Variants in ESD observed in about 807,000 individuals in gnomAD.
The protein encoded by ESD is esterase D.
A neutral mutation model predicts 38.1 loss-of-function variants in ESD; 34 were observed. The ratio of observed to expected loss-of-function variants is 0.89; its 90% confidence interval spans 0.68 to 1.19. ESD has a LOEUF of 1.19. ESD is among the 50% of genes most tolerant of loss of function. The pLI is 0.00. For synonymous variants in ESD, 97 were observed against 107.0 expected (o/e 0.91, Z 0.58); for missense variants, 334 against 327.2 (o/e 1.02, Z -0.16).
chr13:46,797,178 C>T (rs1029581742), upstream of ESD: 2 of 152,402 alleles, frequency 1.3e-5, no homozygotes, highest in Admixed American at 6.5e-5. Flanking sequence ...CGGGGCCTCG[C>T]CTCAGCCCCG....
chr13:46,782,693 T>G lies in ESD; in HGVS notation c.355A>C (p.Arg119=), dbSNP rs1485241477. Residue 119 remains arginine, a synonymous_variant, in exon 6 of 10, where the codon AGA becomes CGA. Transcript: ENST00000378720. Reference sequence around the variant, plus strand: ...TCCTCTGTGACATAAGAGTACATTCTGTAGTTGGTTTTCCAAGGATCTTCA... The same window carrying G: ...TCCTCTGTGACATAAGAGTACATTCGGTAGTTGGTTTTCCAAGGATCTTCA... ...ATEDPWKTNY[R]MYSYVTEELP... is the part of the protein sequence containing the mutation. The G allele has an allele frequency of 6.2e-7, 1 of 1,612,262 alleles. No individual in the cohort carries two copies. The highest frequency in any genetic ancestry group is 1.7e-5 in the Admixed American group (1 of 59,832).
chr13:46,787,740 TTAAAG>T (rs1394141575), intron 3 of ESD, among the ~76,000 whole-genome samples: 3 of 152,102 alleles, frequency 2.0e-5, no homozygotes, highest in South Asian at 2.1e-4. Flanking sequence ...AGTACATAGT[TTAAAG>T]TAAACTGTAA....
upstream of ESD, among the ~76,000 whole-genome samples, chr13:46,797,506 ACT>A (rs1875635807): frequency 6.6e-6 from 1 of 152,144 alleles, no homozygotes; most frequent in South Asian, 2.1e-4. Flanking sequence ...GCTTCGCTTA[ACT>A]CGTGCAGAGG....
In ESD at chr13:46,771,516, T is replaced by C. The variant is rs372086572; in HGVS notation, c.769-20A>G. ...ATAACCCTAGAAGATAAAGAGATGA[T>C]AAGACATTTATCTACCATTCAGGAA... On this transcript the variant is annotated intron_variant, in intron 9 of 9. Transcript: ENST00000378720. 1 of 1,461,694 alleles carries C rather than the reference T, an allele frequency of 6.8e-7. No homozygotes were observed. Among genetic ancestry groups the C allele is most frequent in the Non-Finnish European group, 9.6e-7 (1 of 1,046,606 alleles). 90.5% of individuals were successfully genotyped at this position (1,461,694 alleles called of 1,614,324 possible). A position where few individuals can be genotyped will look rare whatever the true frequency, so the allele number is the denominator to read the frequency against.
At chr13:46,790,008 A>AT (rs544499790) in intron 3 of ESD, among the ~76,000 whole-genome samples, 12,487 of 135,910 alleles carry the variant, frequency 0.092, 839 homozygotes, top group African/African-American at 0.18. Flanking sequence ...ATATATATAT[A>AT]TTTTTTTTTT....
Position 46,780,051 on chromosome 13 carries a change from AT to A in ESD, c.502-19del. The A allele has an allele frequency of 1.3e-6, 2 of 1,522,398 alleles. No homozygotes were observed. The highest frequency in any genetic ancestry group is 1.8e-6 in the Non-Finnish European group (2 of 1,118,296). 94.3% of individuals were successfully genotyped at this position (1,522,398 alleles called of 1,614,324 possible). On this transcript the variant is annotated intron_variant, in intron 7 of 9. Transcript: ENST00000378720. ...GACACAGACTTCAGAAACAAAAGAA[AT>A]TTAAAAACAAGTTATATTTTGCTAA...
chr13:46,783,309 T>C (rs1239908717), intron 5 of ESD, among the ~76,000 whole-genome samples: 1 of 151,946 alleles, frequency 6.6e-6, no homozygotes, highest in Non-Finnish European at 1.5e-5. Flanking sequence ...ATTTTTCCTA[T>C]CTATCCAACC....
chr13:46,796,789 T>C (rs1239111058), intron 1 of ESD, among the ~76,000 whole-genome samples: 3 of 152,212 alleles, frequency 2.0e-5, no homozygotes, highest in African/African-American at 7.2e-5. Flanking sequence ...GCTGCGGGTC[T>C]AGGAAAGTCT....
At chr13:46,776,600 T>G (rs1333380615) in intron 9 of ESD, 1 of 152,140 alleles carries the variant, frequency 6.6e-6, no homozygotes, top group Non-Finnish European at 1.5e-5. Context: ...ATATCTCATT[T>G]GGCGGTATAA....
intron 9 of ESD, 126 bp downstream of exon 9, chr13:46,777,330 G>T: frequency 1.5e-6 from 1 of 651,668 alleles, no homozygotes; most frequent in Non-Finnish European, 2.4e-6. Context: ...TCAAGTGTCT[G>T]AATATAATTA....
chr13:46,771,326 T>G lies in ESD; in HGVS notation c.*90A>C. On this transcript the variant is annotated 3_prime_UTR_variant, in exon 10 of 10. Transcript: ENST00000378720. Reference sequence around the variant, plus strand: ...GCCCTTTTAGCACTATAAAATCCAATGTTTTGAATTTTTTTTTTTTTTGCT... The same window carrying G: ...GCCCTTTTAGCACTATAAAATCCAAGGTTTTGAATTTTTTTTTTTTTTGCT... 2 of 816,692 alleles carry G rather than the reference T, an allele frequency of 2.4e-6. No individual in the cohort carries two copies. The highest frequency in any genetic ancestry group is 3.9e-6 in the Non-Finnish European group (2 of 507,086). The allele number at this position is 816,692 out of a possible 1,614,324, so 50.6% of individuals were successfully genotyped here. A position where few individuals can be genotyped will look rare whatever the true frequency, so the allele number is the denominator to read the frequency against.
chr13:46,791,588 C>T (rs1273230483), intron 2 of ESD, among the ~76,000 whole-genome samples, 168 bp from the exon 3 acceptor site: 1 of 151,944 alleles, frequency 6.6e-6, no homozygotes, highest in Admixed American at 6.6e-5. Context: ...CTGATTAACG[C>T]TCATACATGC....
chr13:46,778,861 A>G (rs1874897040), intron 8 of ESD, among the ~76,000 whole-genome samples: 1 of 151,874 alleles, frequency 6.6e-6, no homozygotes, highest in Non-Finnish European at 1.5e-5. Context: ...ATTAGTTAGA[A>G]TTTCAGTAAT....
At chr13:46,789,630 ATTTTCCAAAATTCCTAACTTTTAATGTT>A in intron 3 of ESD, among the ~76,000 whole-genome samples, 1 of 151,842 alleles carries the variant, frequency 6.6e-6, no homozygotes, top group African/African-American at 2.4e-5. Flanking sequence ...TTTCTGTTCT[ATTTTCCAAAATTCCTAACTTTTAATGTT>A]GGATTTTTGG....
Position 46,772,931 on chromosome 13 carries a change from A to G in ESD, c.769-1435T>C, listed in dbSNP as rs373878259. Among the ~76,000 whole-genome samples, 248 of 152,122 alleles carry G rather than the reference A, an allele frequency of 1.6e-3. 4 individuals are homozygous for G. The South Asian group carries it at 0.018, about 11-fold the overall frequency. ...GATCTCCTGACCTTGTGATCCGTCC[A>G]CCTTAGCCTCCCAAAGTGCTGGGAT... On this transcript the variant is annotated intron_variant, in intron 9 of 9. Coordinates refer to ENST00000378720, the MANE Select transcript of ESD (RefSeq NM_001984.2).
At chr13:46,772,713 C>T (rs1223139750) in intron 9 of ESD, among the ~76,000 whole-genome samples, 18 of 151,256 alleles carry the variant, frequency 1.2e-4, no homozygotes, top group African/African-American at 3.6e-4. Context: ...TTTTTTGAGA[C>T]GGAGTCTCAC....
At chr13:46,776,894 T>C (rs1400358940) in intron 9 of ESD, 1 of 151,994 alleles carries the variant, frequency 6.6e-6, no homozygotes, top group African/African-American at 2.4e-5. Flanking sequence ...GTAGCATATA[T>C]AGAGTTAGGT....
intron 8 of ESD, among the ~76,000 whole-genome samples, chr13:46,778,525 T>G (rs949219448): frequency 1.3e-5 from 2 of 151,828 alleles, no homozygotes; most frequent in African/African-American, 4.8e-5. Flanking sequence ...CTACTGTCAC[T>G]TGGAGAAAAG....
rs534511426 is a variant in ESD, at chr13:46,785,913, C to T, written c.157+1108G>A. ...ATAGTACCCCTCACCAGAAACAAAA[C>T]GCAAAAACAACAGGAGAAAAAACTA... On this transcript the variant is annotated intron_variant, in intron 4 of 9. Coordinates refer to ENST00000378720, the MANE Select transcript of ESD (RefSeq NM_001984.2). 2.0e-4 allele frequency among the ~76,000 whole-genome samples: 30 copies of T among 151,896 alleles called. 1 individual carries two copies. The South Asian group carries it at 3.9e-3, about 20-fold the overall frequency.
Sources: allele counts gnomAD v4.1 joint callset (sites outside exome capture counted in the v4.1 genomes callset), GRCh38; gene constraint gnomAD v4.1.1; transcripts MANE v1.5; gene names NCBI Gene and HGNC (gene_info 2026-07-23, HGNC 2026-07-21).